Variants in BTBD1 observed in about 807,000 individuals in gnomAD.
BTBD1 encodes the protein BTB/POZ domain-containing protein 1.
BTBD1 carries 34 observed loss-of-function variants against 48.0 expected under a neutral mutation model. The observed-to-expected ratio is 0.71, with a 90% CI of 0.54 to 0.94. BTBD1 has a LOEUF of 0.94. BTBD1 is among the 40% of genes least tolerant of loss of function. The pLI is 0.00. For missense variants in BTBD1, 543 were observed against 625.6 expected (o/e 0.87, Z 1.41); for synonymous variants, 261 against 242.1 (o/e 1.08, Z -0.72).
chr15:83,043,105 T>C (rs760088989), intron 3 of BTBD1, among the ~76,000 whole-genome samples: 4 of 152,190 alleles, frequency 2.6e-5, no homozygotes, highest in African/African-American at 4.8e-5. Context: ...GATCATGCCA[T>C]TGTACTCCAG....
chr15:83,048,992 A>T (rs1403355273), intron 3 of BTBD1, among the ~76,000 whole-genome samples: 1 of 152,248 alleles, frequency 6.6e-6, no homozygotes, highest in Non-Finnish European at 1.5e-5. Flanking sequence ...ACGCAGTTCA[A>T]AAGCAAATAA....
At chr15:83,039,045 A>G (rs1461367487) in intron 4 of BTBD1, among the ~76,000 whole-genome samples, 1 of 152,178 alleles carries the variant, frequency 6.6e-6, no homozygotes, top group Non-Finnish European at 1.5e-5. Context: ...ACCTAATTAA[A>G]CTAAAGAGCT....
chr15:83,067,123 C>G lies in BTBD1; in HGVS notation c.29G>C (p.Gly10Ala), dbSNP rs750235022. 4.8e-6 allele frequency: 7 copies of G among 1,449,320 alleles called. No homozygotes were observed. The highest frequency in any genetic ancestry group is 3.1e-5 in the Admixed American group (1 of 31,786). The allele number at this position is 1,449,320 out of a possible 1,614,324, so 89.8% of individuals were successfully genotyped here. A position where few individuals can be genotyped will look rare whatever the true frequency, so the allele number is the denominator to read the frequency against. The change falls in exon 1 of 8, where the codon GGG (glycine) becomes GCG (alanine). Residue 10 changes from glycine (G) to alanine (A), a missense_variant. Coordinates refer to ENST00000261721, the MANE Select transcript of BTBD1 (RefSeq NM_025238.4). ...CGCCTCAGCCCCCGACGCCTGCTCC[C>G]CAGCTGCGGCAGGCCCGAGTGAGGC... MASLGPAAA[G>A]EQASGAEAEP...
intron 7 of BTBD1, 25 bp downstream of exon 7, chr15:83,018,682 C>G: frequency 3.1e-6 from 5 of 1,610,092 alleles, no homozygotes; most frequent in Non-Finnish European, 4.2e-6. Context: ...AGGAAACCAT[C>G]TGGAACATAG....
At chr15:83,021,076 GC>G (rs992836120) in intron 5 of BTBD1, among the ~76,000 whole-genome samples, 1 of 152,156 alleles carries the variant, frequency 6.6e-6, no homozygotes, top group Admixed American at 6.5e-5. Flanking sequence ...AGACATCTCA[GC>G]CATTAGGACT....
intron 4 of BTBD1, among the ~76,000 whole-genome samples, chr15:83,032,714 C>T (rs948861022): frequency 2.0e-4 from 30 of 152,008 alleles, no homozygotes; most frequent in African/African-American, 7.3e-4. Context: ...ATATAATGAA[C>T]TTTGGGGACT....
intron 3 of BTBD1, among the ~76,000 whole-genome samples, chr15:83,045,583 A>G (rs969292752): frequency 6.6e-6 from 1 of 152,204 alleles, no homozygotes; most frequent in East Asian, 1.9e-4. Flanking sequence ...AATATCAAAC[A>G]TAAGTAATAT....
intron 3 of BTBD1, among the ~76,000 whole-genome samples, chr15:83,047,254 A>C (rs1033586092): frequency 6.6e-6 from 1 of 152,216 alleles, no homozygotes; most frequent in African/African-American, 2.4e-5. Context: ...TGGAACAGGG[A>C]TTGCTTAGGG....
At chr15:83,034,879 G>C (rs2032594606) in intron 4 of BTBD1, among the ~76,000 whole-genome samples, 1 of 152,176 alleles carries the variant, frequency 6.6e-6, no homozygotes, top group African/African-American at 2.4e-5. Flanking sequence ...AAGATCATTA[G>C]TATATATTCC....
Position 83,057,845 on chromosome 15 carries a change from TAATA to T in BTBD1, c.402-1304_402-1301del, listed in dbSNP as rs1309978222. 9.8e-5 allele frequency among the ~76,000 whole-genome samples: 15 copies of T among 152,386 alleles called. No individual in the cohort carries two copies. In the East Asian group the frequency reaches 2.7e-3, roughly 27 times the overall value. On this transcript the variant is annotated intron_variant, in intron 1 of 7. Transcript: ENST00000261721. ...CTAAGCAGCTGGTCTGTTTTCAAGA[TAATA>T]CTATCTCCAAAACAGAAATGTTGGC... is the stretch of plus-strand genomic sequence containing the variant.
chr15:83,029,523 C>T (rs866719473), intron 5 of BTBD1: 13 of 152,126 alleles, frequency 8.5e-5, no homozygotes, highest in African/African-American at 2.9e-4. Context: ...GTAAAAATAA[C>T]GTTTGATCAA....
At chr15:83,030,701 C>T (rs1231773326) in intron 4 of BTBD1, 4 of 160,304 alleles carry the variant, frequency 2.5e-5, no homozygotes, top group Admixed American at 1.3e-4. Flanking sequence ...AAGACATTGG[C>T]TTAGGTAAAG....
At chr15:83,024,170 C>T (rs1433002287) in intron 5 of BTBD1, 8 of 152,164 alleles carry the variant, frequency 5.3e-5, no homozygotes. Flanking sequence ...CATGCCCAGC[C>T]TATTTATTTG....
Position 83,044,506 on chromosome 15 carries a change from G to C in BTBD1, c.665-2581C>G, listed in dbSNP as rs2032837148. The C allele has an allele frequency of 3.8e-6, 6 of 1,581,896 alleles. No individual in the cohort carries two copies. The African/African-American group carries it at 8.1e-5, about 21-fold the overall frequency. ...GCCAAGCCAGATTGTATCATCACTT[G>C]TGATGGCAAAAACCTCACCATAAAA... is the stretch of plus-strand genomic sequence containing the variant. On this transcript the variant is annotated intron_variant, in intron 3 of 7. Coordinates refer to ENST00000261721, the MANE Select transcript of BTBD1 (RefSeq NM_025238.4).
intron 5 of BTBD1, among the ~76,000 whole-genome samples, chr15:83,027,100 C>G (rs1485229440): frequency 1.3e-5 from 2 of 152,116 alleles, no homozygotes; most frequent in Non-Finnish European, 2.9e-5. Flanking sequence ...ACACCTGTAA[C>G]CCAGCACTTT....
intron 3 of BTBD1, among the ~76,000 whole-genome samples, chr15:83,043,164 A>T (rs2032800966): frequency 6.6e-6 from 1 of 152,150 alleles, no homozygotes; most frequent in South Asian, 2.1e-4. Context: ...AATAAAATAA[A>T]ATCGGGTGGT....
rs760459359 is a variant in BTBD1 at position 83,041,913 on chromosome 15, GCA to G, written c.675_676del (p.Ala226SerfsTer38). On this transcript the variant is annotated frameshift_variant, in exon 4 of 8. Transcript: ENST00000261721. LOFTEE classifies it high-confidence loss of function. ...ACTGAGTGTGTCTCTCTCTAAAACT[GCA>G]CAGAGTGTATCTATAGGCAAAATAC... is the stretch of plus-strand genomic sequence containing the variant. 1.9e-6 allele frequency: 3 copies of G among 1,613,820 alleles called. No homozygotes were observed. The highest frequency in any genetic ancestry group is 2.5e-6 in the Non-Finnish European group (3 of 1,179,952).
intron 4 of BTBD1, among the ~76,000 whole-genome samples, chr15:83,033,409 T>C (rs960198513): frequency 6.6e-6 from 1 of 152,032 alleles, no homozygotes; most frequent in African/African-American, 2.4e-5. Context: ...GGCAAATATA[T>C]AGGCAAATCA....
Position 83,030,131 on chromosome 15 carries a change from G to C in BTBD1, c.1055+5C>G, listed in dbSNP as rs756755125. On this transcript the variant is annotated splice_donor_5th_base_variant and intron_variant, in intron 5 of 7. Coordinates refer to ENST00000261721, the MANE Select transcript of BTBD1 (RefSeq NM_025238.4). The stretch of plus-strand genomic sequence containing the variant: ...CTACCCCCGCATCCCCAATATAACA[G>C]ATACCTGATTCGATCACTCGTCCCA... 2 of 1,613,460 alleles carry C rather than the reference G, an allele frequency of 1.2e-6. No homozygotes were observed. Among genetic ancestry groups the C allele is most frequent in the East Asian group, 2.2e-5 (1 of 44,840 alleles).
Sources: allele counts gnomAD v4.1 joint callset (sites outside exome capture counted in the v4.1 genomes callset), GRCh38; gene constraint gnomAD v4.1.1; transcripts MANE v1.5; gene names NCBI Gene and HGNC (gene_info 2026-07-23, HGNC 2026-07-21).